Variants in PDE1A observed in about 807,000 individuals in gnomAD.
PDE1A encodes the protein phosphodiesterase 1A.
A neutral mutation model predicts 61.7 loss-of-function variants in PDE1A; 35 were observed. The ratio of observed to expected loss-of-function variants is 0.57; its 90% CI spans 0.43 to 0.75. PDE1A has a LOEUF of 0.75. Ranked by LOEUF, PDE1A falls within the 30% of genes least tolerant of loss-of-function variation. The pLI, the probability that PDE1A is intolerant of heterozygous loss-of-function variation, is 0.00. For missense variants in PDE1A, 597 were observed against 630.6 expected (o/e 0.95, Z 0.57); for synonymous variants, 232 against 213.2 (o/e 1.09, Z -0.77).
chr2:182,686,646 C>T, the PDE1A span, among the ~76,000 whole-genome samples: 3 of 152,184 alleles, frequency 2.0e-5, no homozygotes, highest in Non-Finnish European at 4.4e-5. Context: ...ACTGAGGTAC[C>T]GGGTTCATCT....
At chr2:182,701,331 G>C in the PDE1A span, among the ~76,000 whole-genome samples, 1 of 151,382 alleles carries the variant, frequency 6.6e-6, no homozygotes, top group East Asian at 2.0e-4. Context: ...CACCGCGCCC[G>C]GCTGACCTTC....
At chr2:182,709,216 C>G in the PDE1A span, among the ~76,000 whole-genome samples, 1 of 151,942 alleles carries the variant, frequency 6.6e-6, no homozygotes, top group African/African-American at 2.4e-5. Flanking sequence ...CTTTAATTCT[C>G]CTCTAAGCAC....
chr2:182,387,971 A>G (rs528411217), intron 1 of PDE1A, among the ~76,000 whole-genome samples: 2 of 152,288 alleles, frequency 1.3e-5, no homozygotes, highest in East Asian at 3.9e-4. Context: ...CATAGACTCA[A>G]AGTGAAGGGA....
intron 13 of PDE1A, among the ~76,000 whole-genome samples, chr2:182,180,312 A>G (rs1296332245): frequency 6.6e-6 from 1 of 152,180 alleles, no homozygotes; most frequent in East Asian, 1.9e-4. Context: ...CTAGTGCCCA[A>G]TCTAGGAAGT....
intron 2 of PDE1A, among the ~76,000 whole-genome samples, chr2:182,262,955 A>ATGTGTGTGTGTGTGTGTGTG (rs60469609): frequency 1.4e-5 from 2 of 147,158 alleles, no homozygotes; most frequent in African/African-American, 5.0e-5. Context: ...TTATTAAACA[A>ATGTGTGTGTGTGTGTGTGTG]TGTGTGTGTG....
chr2:182,683,645 A>G, the PDE1A span, among the ~76,000 whole-genome samples: 1 of 152,228 alleles, frequency 6.6e-6, no homozygotes, highest in Admixed American at 6.5e-5. Flanking sequence ...AACTGTTTAA[A>G]TCATGACCGA....
At chr2:182,600,907 C>T in the PDE1A span, among the ~76,000 whole-genome samples, 1 of 152,174 alleles carries the variant, frequency 6.6e-6, no homozygotes, top group African/African-American at 2.4e-5. Flanking sequence ...TTTAAGTGCT[C>T]ATGTATTAAG....
At chr2:182,569,805 T>A in the PDE1A span, among the ~76,000 whole-genome samples, 1 of 152,240 alleles carries the variant, frequency 6.6e-6, no homozygotes, top group Non-Finnish European at 1.5e-5. Flanking sequence ...CCCATTAACA[T>A]CTTGGTTCAA....
chr2:182,557,727 A>G, the PDE1A span, among the ~76,000 whole-genome samples: 1 of 151,858 alleles, frequency 6.6e-6, no homozygotes, highest in Admixed American at 6.6e-5. Flanking sequence ...AATAATAATA[A>G]AATAAAAATA....
At chr2:182,509,565 A>C (rs56410062) in intron 2 of PDE1A, among the ~76,000 whole-genome samples, 10,434 of 152,260 alleles carry the variant, frequency 0.069, 382 homozygotes, top group Middle Eastern at 0.1. Context: ...CCCTTACTAA[A>C]TGTGAAATAG....
At chr2:182,551,810 C>A in the PDE1A span, among the ~76,000 whole-genome samples, 1 of 152,150 alleles carries the variant, frequency 6.6e-6, no homozygotes, top group Non-Finnish European at 1.5e-5. Context: ...TGGCAACTCA[C>A]TCTTGACCCC....
chr2:182,446,557 T>C (rs543787956), intron 2 of PDE1A, among the ~76,000 whole-genome samples: 5 of 152,244 alleles, frequency 3.3e-5, no homozygotes, highest in East Asian at 3.9e-4. Context: ...AGGACAGATA[T>C]CTATTTGCTT....
At chr2:182,197,119 C>A (rs561912994) in intron 10 of PDE1A, among the ~76,000 whole-genome samples, 12 of 151,740 alleles carry the variant, frequency 7.9e-5, no homozygotes, top group African/African-American at 2.9e-4. Context: ...TTTAGTCATT[C>A]TCATGGGGCT....
intron 1 of PDE1A, among the ~76,000 whole-genome samples, chr2:182,339,053 G>GT (rs367784062): frequency 7.9e-5 from 12 of 152,006 alleles, no homozygotes; most frequent in South Asian, 2.1e-4. Flanking sequence ...TGCTGAAGAT[G>GT]TTTTTTTTCT....
the PDE1A span, among the ~76,000 whole-genome samples, chr2:182,639,930 G>GA: frequency 1.3e-5 from 2 of 150,208 alleles, no homozygotes; most frequent in South Asian, 2.1e-4. Context: ...ACATTATTCA[G>GA]AAAAAAATAA....
chr2:182,529,003 G>T, the PDE1A span, among the ~76,000 whole-genome samples: 120 of 152,350 alleles, frequency 7.9e-4, no homozygotes, highest in African/African-American at 2.6e-3. Context: ...GGGCAGTATG[G>T]AAGGGAAATG....
chr2:182,353,628 G>T (rs757586371), intron 1 of PDE1A, among the ~76,000 whole-genome samples: 2 of 151,882 alleles, frequency 1.3e-5, no homozygotes, highest in Non-Finnish European at 2.9e-5. Context: ...AGGAAACAAT[G>T]AAAATTTTAT....
the PDE1A span, among the ~76,000 whole-genome samples, chr2:182,646,807 G>T: frequency 6.6e-6 from 1 of 152,156 alleles, no homozygotes; most frequent in Non-Finnish European, 1.5e-5. Context: ...TAAGCAGAAT[G>T]AAAGATCAGC....
At chr2:182,305,943 G>A (rs1695554860) in intron 1 of PDE1A, among the ~76,000 whole-genome samples, 1 of 151,870 alleles carries the variant, frequency 6.6e-6, no homozygotes, top group Non-Finnish European at 1.5e-5. Context: ...ACACTATTTT[G>A]AACTATAGTC....
Sources: gnomAD v4.1 joint callset for allele counts (sites outside exome capture counted in the v4.1 genomes callset) on GRCh38, gnomAD v4.1.1 for gene constraint, MANE v1.5 for transcripts, NCBI Gene and HGNC (gene_info 2026-07-23, HGNC 2026-07-21) for gene names.